Variants in TNKS2 observed in about 807,000 individuals in gnomAD.
TNKS2 encodes tankyrase 2.
A neutral mutation model predicts 137.6 loss-of-function variants in TNKS2; 72 were observed. That is an observed-to-expected ratio of 0.52 (90% CI 0.43 to 0.64). The LOEUF is 0.64. Among genes scored for constraint, TNKS2 ranks in the 30% least tolerant of loss-of-function variants. The pLI, the probability that TNKS2 is intolerant of heterozygous loss-of-function variation, is 0.00. For synonymous variants in TNKS2, 516 were observed against 512.1 expected, an observed-to-expected ratio of 1.01 and a Z score of -0.10; for missense variants, 1,049 against 1,410.2, an observed-to-expected ratio of 0.74 and a Z score of 4.10.
rs375744479 is a variant in TNKS2 at position 91,842,145 on chromosome 10, C to G, written c.1840-27C>G. 15 of 1,550,346 alleles carry G rather than the reference C, an allele frequency of 9.7e-6. No individual in the cohort carries two copies. The African/African-American group carries it at 1.9e-4, about 20-fold the overall frequency. On this transcript the variant is annotated intron_variant, in intron 15 of 26. Transcript: ENST00000371627. ...AAAGGCACATTTAAGCCATTTCCCC[C>G]TTTTTTTCTGTTTTTCACATGCCTA... is the stretch of plus-strand genomic sequence containing the variant.
chr10:91,862,819 T>C (rs762872183), intron 26 of TNKS2, 118 bp from the exon 27 acceptor site: 3 of 650,982 alleles, frequency 4.6e-6, no homozygotes, highest in African/African-American at 3.7e-5. Flanking sequence ...CCTAGATGAT[T>C]CTGATCTACA....
At chr10:91,814,856 T>A (rs1844629392) in intron 2 of TNKS2, among the ~76,000 whole-genome samples, 1 of 152,188 alleles carries the variant, frequency 6.6e-6, no homozygotes, top group Non-Finnish European at 1.5e-5. Flanking sequence ...TCTCAGAGTA[T>A]ATCCCTGTCA....
In TNKS2 at chr10:91,819,560, A is replaced by G. The variant is rs1844819884; in HGVS notation, c.633+3A>G. ...GCCACGCAAGTGATGGCAGAAAGGT[A>G]CTTCCTTTTGCAACTGAGTTTGTGC... On this transcript the variant is annotated splice_donor_region_variant and intron_variant, in intron 5 of 26. Transcript: ENST00000371627. 3 of 1,580,530 alleles carry G rather than the reference A, an allele frequency of 1.9e-6. No individual in the cohort carries two copies. The highest frequency in any genetic ancestry group is 2.6e-6 in the Non-Finnish European group (3 of 1,169,400).
intron 23 of TNKS2, among the ~76,000 whole-genome samples, chr10:91,856,414 G>A (rs1842705515): frequency 6.6e-6 from 1 of 152,128 alleles, no homozygotes; most frequent in Non-Finnish European, 1.5e-5. Flanking sequence ...AAATCTTTCA[G>A]CTGTATTGTA....
chr10:91,862,509 T>G (rs1269438194), intron 26 of TNKS2, among the ~76,000 whole-genome samples: 1 of 152,154 alleles, frequency 6.6e-6, no homozygotes, highest in Non-Finnish European at 1.5e-5. Flanking sequence ...AAGAAGATTT[T>G]ATTCAAATTT....
At chr10:91,810,500 T>G (rs1294273548) in intron 1 of TNKS2, among the ~76,000 whole-genome samples, 6 of 151,620 alleles carry the variant, frequency 4.0e-5, no homozygotes, top group Admixed American at 2.0e-4. Flanking sequence ...TTGTTGTTGT[T>G]TTGTTTTGTT....
rs892199569 is a variant in TNKS2, at chr10:91,848,700, G to A, written c.2611+65G>A. The A allele has an allele frequency of 5.1e-6, 8 of 1,557,492 alleles. No individual in the cohort carries two copies. The East Asian group carries it at 1.8e-4, about 35-fold the overall frequency. ...TAGCCCCGTATTTGTCATTTGGGAT[G>A]CTAAAAAGTCATTTTTAACCTTAAA... On this transcript the variant is annotated intron_variant, in intron 19 of 26. Coordinates refer to ENST00000371627, the MANE Select transcript of TNKS2 (RefSeq NM_025235.4).
intron 8 of TNKS2, 116 bp from the exon 9 acceptor site, chr10:91,828,169 C>T: frequency 8.8e-7 from 1 of 1,132,882 alleles, no homozygotes; most frequent in African/African-American, 1.6e-5. Flanking sequence ...GAGCCTCAAT[C>T]TGGCTATTTT....
At position 91,855,572 on chromosome 10, in the gene TNKS2, C is replaced by T. The variant is rs375893231; in HGVS notation, c.2914-42C>T. On this transcript the variant is annotated intron_variant, in intron 22 of 26. Coordinates refer to ENST00000371627, the MANE Select transcript of TNKS2 (RefSeq NM_025235.4). Reference sequence around the variant, plus strand: ...ATGTTCCCCAAATCAGAAAATAACACAAATGCTAATGCACATATATTTCAA... The same window carrying T: ...ATGTTCCCCAAATCAGAAAATAACATAAATGCTAATGCACATATATTTCAA... 7.5e-5 allele frequency: 110 copies of T among 1,457,438 alleles called. No homozygotes were observed. The African/African-American group carries it at 1.3e-3, about 18-fold the overall frequency. 90.3% of individuals were successfully genotyped at this position (1,457,438 alleles called of 1,614,324 possible).
At chr10:91,822,640 A>G (rs970449499) in intron 7 of TNKS2, among the ~76,000 whole-genome samples, 1 of 151,320 alleles carries the variant, frequency 6.6e-6, no homozygotes, top group Non-Finnish European at 1.5e-5. Context: ...ATCTTGGCTC[A>G]CTGCACCCTC....
chr10:91,840,735 CT>C, intron 14 of TNKS2, 29 bp downstream of exon 14: 2 of 1,575,736 alleles, frequency 1.3e-6, no homozygotes, highest in Non-Finnish European at 1.7e-6. Context: ...TATGGACTCT[CT>C]TCCTTACTTT....
chr10:91,855,247 C>T, intron 22 of TNKS2, 121 bp downstream of exon 22: 4 of 680,194 alleles, frequency 5.9e-6, no homozygotes, highest in Non-Finnish European at 1.0e-5. Context: ...AATCTGTTTT[C>T]AAGCTGATTA....
chr10:91,822,966 T>C (rs1354379738), intron 7 of TNKS2, among the ~76,000 whole-genome samples: 1 of 150,806 alleles, frequency 6.6e-6, no homozygotes, highest in African/African-American at 2.4e-5. Flanking sequence ...GGCAGGAGAA[T>C]CGTTTGAACC....
intron 1 of TNKS2, among the ~76,000 whole-genome samples, chr10:91,809,145 G>A (rs1461380549): frequency 6.6e-6 from 1 of 152,106 alleles, no homozygotes; most frequent in African/African-American, 2.4e-5. Flanking sequence ...TTTTAAGAAA[G>A]GAAGATGTAA....
intron 9 of TNKS2, among the ~76,000 whole-genome samples, chr10:91,830,700 G>A (rs1018937405): frequency 1.3e-5 from 2 of 152,214 alleles, no homozygotes; most frequent in Admixed American, 6.5e-5. Context: ...TGTAAAGTTT[G>A]ATTGGAATAT....
At chr10:91,817,461 G>A (rs1245759943) in intron 3 of TNKS2, among the ~76,000 whole-genome samples, 1 of 152,072 alleles carries the variant, frequency 6.6e-6, no homozygotes. Context: ...GCCTTATTGG[G>A]GGTGAGGGTG....
At chr10:91,801,412 T>G (rs1008497776) in intron 1 of TNKS2, among the ~76,000 whole-genome samples, 2 of 152,088 alleles carry the variant, frequency 1.3e-5, no homozygotes, top group Non-Finnish European at 2.9e-5. Flanking sequence ...CTCTGTAAAT[T>G]GTTTCCTTTT....
chr10:91,847,656 A>G (rs566161790), intron 18 of TNKS2, among the ~76,000 whole-genome samples: 1 of 152,300 alleles, frequency 6.6e-6, no homozygotes, highest in Non-Finnish European at 1.5e-5. Context: ...ACCTGGCCCC[A>G]TTCTAGCAGA....
chr10:91,817,340 C>A lies in TNKS2; in HGVS notation c.520+111C>A. On this transcript the variant is annotated intron_variant, in intron 3 of 26. Transcript: ENST00000371627. ...TTCAGCTAGATTTTTAAAATAGTGT[C>A]AGTTCAGTAGCTATCCTTTTCTACG... The A allele has an allele frequency of 4.9e-6, 3 of 617,070 alleles. No homozygotes were observed. The South Asian group carries it at 6.5e-5, about 13-fold the overall frequency. The allele number at this position is 617,070 out of a possible 1,614,324, so 38.2% of individuals were successfully genotyped here. A position where few individuals can be genotyped will look rare whatever the true frequency, so the allele number is the denominator to read the frequency against.
Sources: gnomAD v4.1 joint callset for allele counts (sites outside exome capture counted in the v4.1 genomes callset) on GRCh38, gnomAD v4.1.1 for gene constraint, MANE v1.5 for transcripts, NCBI Gene and HGNC (gene_info 2026-07-23, HGNC 2026-07-21) for gene names.